The following SRGAP3 variants were observed in gnomAD, a reference collection of about 807,000 sequenced individuals.
SRGAP3 encodes the protein SLIT-ROBO Rho GTPase-activating protein 3.
Under a neutral mutation model 121.1 loss-of-function variants are expected in SRGAP3, and 39 were observed. The ratio of observed to expected loss-of-function variants is 0.32; its 90% CI spans 0.25 to 0.42. The LOEUF (loss-of-function observed/expected upper bound fraction) is 0.42, where lower values mean the gene tolerates loss of function less well. Among genes scored for constraint, SRGAP3 ranks in the 10% least tolerant of loss-of-function variants. The pLI is 1.00. For missense variants in SRGAP3, 1,213 were observed against 1,470.6 expected (o/e 0.82, Z 2.86); for synonymous variants, 601 against 570.0 (o/e 1.05, Z -0.77).
chr3:8,994,493 A>C lies in SRGAP3; in HGVS notation c.2258T>G (p.Phe753Cys). 6.2e-7 allele frequency: 1 copy of C among 1,614,122 alleles called. No individual in the cohort carries two copies. Among genetic ancestry groups the C allele is most frequent in the East Asian group, 2.2e-5 (1 of 44,874 alleles). The change falls in exon 19 of 22, where the codon TTT becomes TGT. Residue 753 changes from phenylalanine to cysteine, a missense_variant. Phe to Cys is a radical substitution (Grantham distance 205, BLOSUM62 -2). Coordinates refer to ENST00000383836, the MANE Select transcript of SRGAP3 (RefSeq NM_014850.4). ...EVEQIEAIAK[F>C]DYMGRSPREL... ...ACGCGGGGACCGCCCCATGTAGTCA[A>C]ACTTGGCAATAGCCTCGATCTGCTC...
exon 3 of SRGAP3, chr3:9,326,153 A>G (rs1164663770): frequency 6.6e-6 from 1 of 151,934 alleles, no homozygotes; most frequent in Non-Finnish European, 1.5e-5. Flanking sequence ...TTCTCAGAAG[A>G]TCCAATCTTT....
intron 3 of SRGAP3, among the ~76,000 whole-genome samples, chr3:9,291,624 AC>A (rs1954871947): frequency 6.6e-6 from 1 of 151,966 alleles, no homozygotes; most frequent in African/African-American, 2.4e-5. Flanking sequence ...ACACACACAC[AC>A]ACACACACAC....
At chr3:9,140,774 G>T (rs1311870818) in intron 1 of SRGAP3, among the ~76,000 whole-genome samples, 1 of 152,228 alleles carries the variant, frequency 6.6e-6, no homozygotes, top group Non-Finnish European at 1.5e-5. Context: ...TAATCACTGT[G>T]TTTTTCTATA....
chr3:9,353,204 T>A (rs2030293116), intron 1 of SRGAP3, among the ~76,000 whole-genome samples: 2 of 152,242 alleles, frequency 1.3e-5, no homozygotes, highest in Admixed American at 1.3e-4. Flanking sequence ...TTCTCCCTTG[T>A]CAGTGCTCTT....
chr3:9,308,745 T>C (rs1249140167), intron 3 of SRGAP3, among the ~76,000 whole-genome samples: 2 of 152,202 alleles, frequency 1.3e-5, no homozygotes, highest in Non-Finnish European at 2.9e-5. Context: ...TGGGGAATTA[T>C]AGTCTCCTCG....
At chr3:9,326,770 A>C (rs1955527042) in intron 2 of SRGAP3, among the ~76,000 whole-genome samples, 9 of 152,006 alleles carry the variant, frequency 5.9e-5, no homozygotes, top group Admixed American at 4.6e-4. Flanking sequence ...ATTTTGAAAA[A>C]TCTGTTAAAA....
intron 18 of SRGAP3, among the ~76,000 whole-genome samples, chr3:9,001,282 A>T (rs1942751690): frequency 6.6e-6 from 1 of 152,236 alleles, no homozygotes; most frequent in Non-Finnish European, 1.5e-5. Context: ...CAACATGATG[A>T]ATATACTGCT....
chr3:9,265,526 A>C (rs1954341504), intron 3 of SRGAP3, among the ~76,000 whole-genome samples: 1 of 152,188 alleles, frequency 6.6e-6, no homozygotes, highest in Non-Finnish European at 1.5e-5. Flanking sequence ...GCAAATTTAC[A>C]AGAAAAAAAA....
chr3:9,102,709 G>A (rs1394605668), intron 3 of SRGAP3, among the ~76,000 whole-genome samples: 1 of 152,224 alleles, frequency 6.6e-6, no homozygotes, highest in Non-Finnish European at 1.5e-5. Flanking sequence ...TGGTAACAAG[G>A]CAGCCAGGAG....
chr3:9,350,356 A>G (rs780554912), intron 1 of SRGAP3, among the ~76,000 whole-genome samples: 3 of 152,240 alleles, frequency 2.0e-5, no homozygotes, highest in Non-Finnish European at 4.4e-5. Flanking sequence ...GAAAAGAGAT[A>G]GGAAAGGCAA....
chr3:9,041,655 G>A (rs1290715852), intron 10 of SRGAP3, among the ~76,000 whole-genome samples: 1 of 152,132 alleles, frequency 6.6e-6, no homozygotes, highest in East Asian at 1.9e-4. Flanking sequence ...CCAACTACCA[G>A]CAGTACTGTC....
At chr3:9,351,872 T>C (rs1388134015) in intron 1 of SRGAP3, among the ~76,000 whole-genome samples, 3 of 152,132 alleles carry the variant, frequency 2.0e-5, no homozygotes, top group Non-Finnish European at 4.4e-5. Context: ...CAAGGGGCCA[T>C]GGAAGGGTGA....
At chr3:9,323,919 T>G (rs1480052122) in intron 3 of SRGAP3, among the ~76,000 whole-genome samples, 4 of 151,650 alleles carry the variant, frequency 2.6e-5, no homozygotes, top group African/African-American at 7.2e-5. Flanking sequence ...GTTTGAGCAA[T>G]GAACGATTTG....
chr3:9,265,734 G>C (rs1559250680), intron 3 of SRGAP3, among the ~76,000 whole-genome samples: 1 of 152,142 alleles, frequency 6.6e-6, no homozygotes, highest in African/African-American at 2.4e-5. Flanking sequence ...AGATGCTGGA[G>C]AGGATGTGGA....
chr3:9,100,401 G>A (rs530075572), intron 3 of SRGAP3, among the ~76,000 whole-genome samples: 1 of 152,264 alleles, frequency 6.6e-6, no homozygotes, highest in South Asian at 2.1e-4. Context: ...AGAAGACAGA[G>A]AAGAAGCAAA....
chr3:9,233,947 A>G (rs1174731071), intron 1 of SRGAP3, among the ~76,000 whole-genome samples: 1 of 152,184 alleles, frequency 6.6e-6, no homozygotes, highest in Non-Finnish European at 1.5e-5. Flanking sequence ...CTTTCACACA[A>G]TTCCCAGTAA....
chr3:9,085,357 T>C (rs1947419678), intron 3 of SRGAP3, among the ~76,000 whole-genome samples: 2 of 152,174 alleles, frequency 1.3e-5, no homozygotes, highest in Non-Finnish European at 2.9e-5. Flanking sequence ...TTCTACACTG[T>C]TGGTGGGAGT....
At chr3:9,311,497 G>A (rs770016294) in intron 3 of SRGAP3, among the ~76,000 whole-genome samples, 1 of 152,146 alleles carries the variant, frequency 6.6e-6, no homozygotes, top group Non-Finnish European at 1.5e-5. Context: ...CAAGTCTGTC[G>A]CAACCACTCA....
chr3:9,116,025 A>G (rs1009157926), intron 2 of SRGAP3, among the ~76,000 whole-genome samples: 2 of 152,368 alleles, frequency 1.3e-5, no homozygotes, highest in African/African-American at 4.8e-5. Context: ...AAACCTTGAA[A>G]GAGAATTGAG....
Sources: allele counts gnomAD v4.1 joint callset (sites outside exome capture counted in the v4.1 genomes callset), GRCh38; gene constraint gnomAD v4.1.1; transcripts MANE v1.5; gene names NCBI Gene and HGNC (gene_info 2026-07-23, HGNC 2026-07-21).